The following SLC44A3 variants were observed in gnomAD, a reference collection of about 807,000 sequenced individuals.
The protein encoded by SLC44A3 is solute carrier family 44 member 3, also known as choline transporter-like protein 3.
A neutral mutation model predicts 75.4 loss-of-function variants in SLC44A3; 74 were observed. The ratio of observed to expected loss-of-function variants is 0.98; its 90% CI spans 0.81 to 1.19. SLC44A3 has a LOEUF of 1.19. SLC44A3 is among the 50% of genes most tolerant of loss of function. SLC44A3 has a pLI of 0.00. For synonymous variants in SLC44A3, 310 were observed against 296.9 expected (o/e 1.04, Z -0.45); for missense variants, 700 against 778.6 (o/e 0.90, Z 1.20).
At position 94,873,207 on chromosome 1, in the gene SLC44A3, G is replaced by A. The variant is rs149658403; in HGVS notation, c.1482+5790G>A. ...TTGGGCTATCATGCAAGATAGCTGC[G>A]AGCCTGATGGATCTGTGCTGCATCC... is the stretch of plus-strand genomic sequence containing the variant. On this transcript the variant is annotated intron_variant, in intron 12 of 14. Coordinates refer to ENST00000271227, the MANE Select transcript of SLC44A3 (RefSeq NM_001114106.3). Among the ~76,000 whole-genome samples, 257 of 152,266 alleles carry A rather than the reference G, an allele frequency of 1.7e-3. 1 individual carries two copies. The highest frequency in any genetic ancestry group is 5.6e-3 in the African/African-American group (233 of 41,554).
chr1:94,874,647 C>T (rs991627925), intron 12 of SLC44A3, among the ~76,000 whole-genome samples: 8 of 152,208 alleles, frequency 5.3e-5, no homozygotes, highest in East Asian at 3.8e-4. Flanking sequence ...CCTAAGTGTG[C>T]GGCTCCCGAA....
In SLC44A3 at chr1:94,892,279, A is replaced by G. The variant is rs775988452; in HGVS notation, c.1621-2A>G. On this transcript the variant is annotated splice_acceptor_variant, in intron 13 of 14. Coordinates refer to ENST00000271227, the MANE Select transcript of SLC44A3 (RefSeq NM_001114106.3). LOFTEE classifies it high-confidence loss of function. ...TTTTCAACAAACTCTTCTTTTGCAC[A>G]GGTGTTAGTGGTGTGTTTCACTGTT... The G allele has an allele frequency of 1.7e-5, 27 of 1,606,130 alleles. No homozygotes were observed. Among genetic ancestry groups the G allele is most frequent in the Non-Finnish European group, 2.2e-5 (26 of 1,177,636 alleles).
chr1:94,885,610 T>G (rs1360352953), intron 12 of SLC44A3, among the ~76,000 whole-genome samples: 1 of 152,072 alleles, frequency 6.6e-6, no homozygotes, highest in Non-Finnish European at 1.5e-5. Context: ...CAAAGTAAAG[T>G]TTTCCAGCAG....
intron 12 of SLC44A3, among the ~76,000 whole-genome samples, chr1:94,885,203 C>T (rs938153074): frequency 1.8e-5 from 2 of 112,848 alleles, no homozygotes; most frequent in Admixed American, 1.4e-4. Flanking sequence ...TTAGCCTGGG[C>T]GACAGAGTGA....
intron 13 of SLC44A3, 94 bp downstream of exon 13, chr1:94,891,361 T>TA: frequency 7.9e-7 from 1 of 1,270,434 alleles, no homozygotes; most frequent in Non-Finnish European, 1.1e-6. Context: ...CTTGAGTACT[T>TA]ACTCTATAGT....
intron 8 of SLC44A3, among the ~76,000 whole-genome samples, chr1:94,844,276 A>G (rs1664095037): frequency 6.6e-6 from 1 of 152,236 alleles, no homozygotes. Flanking sequence ...TCTAGTATGA[A>G]GATAATGAAT....
chr1:94,892,747 C>T lies in SLC44A3; in HGVS notation c.1857+230C>T, dbSNP rs1339921736. Among the ~76,000 whole-genome samples, 4 of 152,174 alleles carry T rather than the reference C, an allele frequency of 2.6e-5. No individual in the cohort carries two copies. The East Asian group carries it at 5.8e-4, about 22-fold the overall frequency. ...GAAGAAGTGAAGCTGAACAAGAATG[C>T]TGATCAGATGGATTCCTAAGTAGCA... On this transcript the variant is annotated intron_variant, in intron 14 of 14. Coordinates refer to ENST00000271227, the MANE Select transcript of SLC44A3 (RefSeq NM_001114106.3).
chr1:94,848,128 C>G (rs1446150858), intron 9 of SLC44A3, among the ~76,000 whole-genome samples: 5 of 151,654 alleles, frequency 3.3e-5, no homozygotes, highest in Non-Finnish European at 5.9e-5. Context: ...ACTCGGGAGG[C>G]TGAGGCAGGA....
chr1:94,861,983 A>T (rs1032886059), intron 10 of SLC44A3, among the ~76,000 whole-genome samples: 2 of 152,214 alleles, frequency 1.3e-5, no homozygotes, highest in African/African-American at 4.8e-5. Context: ...ATATCTACAG[A>T]TGGAGAAGAG....
At chr1:94,841,924 C>A in intron 7 of SLC44A3, 76 bp from the exon 8 acceptor site, 1 of 1,507,464 alleles carries the variant, frequency 6.6e-7, no homozygotes, top group Non-Finnish European at 8.9e-7. Context: ...GCTGGACTTC[C>A]TGTGTGATTC....
intron 2 of SLC44A3, among the ~76,000 whole-genome samples, chr1:94,824,169 A>G (rs1660982715): frequency 6.6e-6 from 1 of 152,220 alleles, no homozygotes; most frequent in Non-Finnish European, 1.5e-5. Flanking sequence ...AAGGGAAGAA[A>G]AATTGAATTG....
At position 94,820,444 on chromosome 1, in the gene SLC44A3, A is replaced by G. The variant is rs1660385807; in HGVS notation, c.-8A>G. The G allele has an allele frequency of 2.1e-6, 3 of 1,453,688 alleles. No homozygotes were observed. The highest frequency in any genetic ancestry group is 2.7e-6 in the Non-Finnish European group (3 of 1,106,010). 90.0% of individuals were successfully genotyped at this position (1,453,688 alleles called of 1,614,324 possible). A position where few individuals can be genotyped will look rare whatever the true frequency, so the allele number is the denominator to read the frequency against. On this transcript the variant is annotated 5_prime_UTR_variant, in exon 1 of 15. Coordinates refer to ENST00000271227, the MANE Select transcript of SLC44A3 (RefSeq NM_001114106.3). ...TCCCAGTCACCGGCCCCCGCCGGCG[A>G]GCGCACGATGCACTGCCTGGGCGCC...
intron 12 of SLC44A3, chr1:94,888,590 T>G (rs1669853300): frequency 1.1e-6 from 1 of 871,842 alleles, no homozygotes; most frequent in Non-Finnish European, 1.4e-6. Context: ...CAAAGCAAAT[T>G]TCACGCACAT....
chr1:94,845,098 G>A (rs1438097693), intron 8 of SLC44A3, among the ~76,000 whole-genome samples, 180 bp from the exon 9 acceptor site: 2 of 152,264 alleles, frequency 1.3e-5, no homozygotes, highest in East Asian at 3.9e-4. Flanking sequence ...CCAGGGACCA[G>A]CACTTACTAG....
rs1354567253 is a variant in SLC44A3 at position 94,845,409 on chromosome 1, C to G, written c.1017C>G (p.Ile339Met). Residue 339 changes from isoleucine to methionine, a missense_variant, in exon 9 of 15, where the codon ATC (isoleucine) becomes ATG (methionine). Ile to Met is a conservative substitution (Grantham distance 10, BLOSUM62 1). Coordinates refer to ENST00000271227, the MANE Select transcript of SLC44A3 (RefSeq NM_001114106.3). ...TCCAGCCACTGTGGACATTTGCCAT[C>G]CTCATTTTCTTCTGGGTCCTCTGGG... ...LLFQPLWTFA[I>M]LIFFWVLWVA... is the part of the protein sequence containing the mutation. The G allele has an allele frequency of 6.2e-7, 1 of 1,613,888 alleles. No individual in the cohort carries two copies. The highest frequency in any genetic ancestry group is 8.5e-7 in the Non-Finnish European group (1 of 1,180,042).
rs532456290 is a variant in SLC44A3, at chr1:94,830,651, A to C, written c.509+2065A>C. On this transcript the variant is annotated intron_variant, in intron 5 of 14. Transcript: ENST00000271227. ...TAAAAAAAAACTAGAATGTTTTAGTAATAGGTGGAAGGAAAATTCTCTAGC... is the reference window on the plus strand; with the variant it reads ...TAAAAAAAAACTAGAATGTTTTAGTCATAGGTGGAAGGAAAATTCTCTAGC... Among the ~76,000 whole-genome samples, 9 of 152,364 alleles carry C rather than the reference A, an allele frequency of 5.9e-5. No individual in the cohort carries two copies. In the East Asian group the frequency reaches 9.6e-4, roughly 16 times the overall value.
chr1:94,858,978 C>T (rs908029032), intron 10 of SLC44A3, among the ~76,000 whole-genome samples: 2 of 152,114 alleles, frequency 1.3e-5, no homozygotes, highest in Non-Finnish European at 2.9e-5. Flanking sequence ...GGATGAGCCA[C>T]GACACCCGGC....
intron 12 of SLC44A3, among the ~76,000 whole-genome samples, chr1:94,887,964 T>A (rs1669774964): frequency 2.0e-5 from 3 of 152,156 alleles, no homozygotes; most frequent in Non-Finnish European, 4.4e-5. Context: ...CAGTTGTAAA[T>A]GAGATCATCT....
At chr1:94,873,957 C>T (rs764798112) in intron 12 of SLC44A3, among the ~76,000 whole-genome samples, 11 of 152,208 alleles carry the variant, frequency 7.2e-5, no homozygotes, top group South Asian at 2.1e-4. Context: ...TCAGTGACAG[C>T]GGTGGTTCTG....
Sources: allele counts gnomAD v4.1 joint callset (sites outside exome capture counted in the v4.1 genomes callset), GRCh38; gene constraint gnomAD v4.1.1; transcripts MANE v1.5; gene names NCBI Gene and HGNC (gene_info 2026-07-23, HGNC 2026-07-21).